The following CCDC149 variants were observed in gnomAD, a reference collection of about 807,000 sequenced individuals.
The protein encoded by CCDC149 is coiled-coil domain containing 149, also known as coiled-coil domain-containing protein 149.
A neutral mutation model predicts 59.9 loss-of-function variants in CCDC149; 45 were observed. The observed-to-expected ratio is 0.75, with a 90% CI of 0.59 to 0.96. The LOEUF (loss-of-function observed/expected upper bound fraction) is 0.96, where lower values mean the gene tolerates loss of function less well. Among genes scored for constraint, CCDC149 ranks in the 40% least tolerant of loss-of-function variants. The pLI, the probability that CCDC149 is intolerant of heterozygous loss-of-function variation, is 0.00. For missense variants in CCDC149, 584 were observed against 664.7 expected (o/e 0.88, Z 1.33); for synonymous variants, 245 against 260.6 (o/e 0.94, Z 0.58).
intron 1 of CCDC149, among the ~76,000 whole-genome samples, chr4:24,930,677 C>T (rs1245298507): frequency 6.6e-6 from 1 of 152,108 alleles, no homozygotes; most frequent in Non-Finnish European, 1.5e-5. Context: ...TGAGGGGAAG[C>T]AGAAAAGGTT....
intron 1 of CCDC149, among the ~76,000 whole-genome samples, chr4:24,929,361 A>T (rs1722521062): frequency 1.3e-5 from 2 of 152,234 alleles, no homozygotes; most frequent in South Asian, 4.1e-4. Flanking sequence ...AGATGAGAAA[A>T]TTTTACAAAA....
intron 1 of CCDC149, among the ~76,000 whole-genome samples, chr4:24,969,734 C>T (rs57555753): frequency 9.2e-5 from 14 of 152,228 alleles, no homozygotes; most frequent in African/African-American, 2.9e-4. Flanking sequence ...GGTATGGGGA[C>T]GAATGGTAAC....
At chr4:24,915,308 G>A (rs1459300180), upstream of CCDC149, among the ~76,000 whole-genome samples, 2 of 152,214 alleles carry the variant, frequency 1.3e-5, no homozygotes, top group African/African-American at 4.8e-5. Flanking sequence ...AGGAAAAGTG[G>A]GCAGAACTTG....
chr4:24,931,539 T>A (rs1722587426), intron 1 of CCDC149, among the ~76,000 whole-genome samples: 1 of 151,452 alleles, frequency 6.6e-6, no homozygotes, highest in South Asian at 2.1e-4. Flanking sequence ...ACACCTGGGG[T>A]TAGTGACCTT....
At chr4:24,825,969 T>A (rs1175864299) in intron 9 of CCDC149, among the ~76,000 whole-genome samples, 1 of 151,904 alleles carries the variant, frequency 6.6e-6, no homozygotes, top group Non-Finnish European at 1.5e-5. Context: ...TGTTTTGTTT[T>A]TTAAGAGACG....
intron 1 of CCDC149, among the ~76,000 whole-genome samples, chr4:24,950,528 G>C (rs781780835): frequency 6.6e-6 from 1 of 152,184 alleles, no homozygotes; most frequent in Non-Finnish European, 1.5e-5. Flanking sequence ...ACATTGGAAG[G>C]GGAGTGGAGA....
Position 24,808,405 on chromosome 4 carries a change from C to T in CCDC149, c.1607G>A (p.Ser536Asn). ...CTCTCCCCTTCAGGTTTTCACGGTG[C>T]TCCTCATGCCTCCGCCCTCTGGGAT... The change falls in exon 13 of 13, where the codon AGC becomes AAC. Residue 536 changes from serine to asparagine, a missense_variant. Physicochemically the swap from Ser to Asn is conservative, Grantham distance 46 (BLOSUM62 1). Transcript: ENST00000635206. The T allele has an allele frequency of 6.9e-7, 1 of 1,450,868 alleles. No individual in the cohort carries two copies. The highest frequency in any genetic ancestry group is 9.1e-7 in the Non-Finnish European group (1 of 1,099,978). 89.9% of individuals were successfully genotyped at this position (1,450,868 alleles called of 1,614,324 possible).
intron 2 of CCDC149, 80 bp from the exon 3 acceptor site, chr4:24,873,799 A>T: frequency 8.9e-7 from 1 of 1,125,834 alleles, no homozygotes; most frequent in Non-Finnish European, 1.3e-6. Flanking sequence ...CTAAATTATG[A>T]ACCTAAATGT....
In CCDC149 at chr4:24,878,573, C is replaced by T. The variant is rs368587378; in HGVS notation, c.64-1876G>A. On this transcript the variant is annotated intron_variant, in intron 1 of 12. Coordinates refer to ENST00000635206, the MANE Select transcript of CCDC149 (RefSeq NM_001330643.2). The stretch of plus-strand genomic sequence containing the variant: ...ATTTACACACAATTTAACACATCTG[C>T]CCTTGTTCCTCCAGTTCTTTTCCCG... 2.0e-5 allele frequency among the ~76,000 whole-genome samples: 3 copies of T among 152,298 alleles called. No individual in the cohort carries two copies. The East Asian group carries it at 5.8e-4, about 29-fold the overall frequency.
intron 3 of CCDC149, among the ~76,000 whole-genome samples, chr4:24,854,351 C>A (rs1349131774): frequency 6.6e-6 from 1 of 152,224 alleles, no homozygotes; most frequent in African/African-American, 2.4e-5. Context: ...TCTGCTTCCT[C>A]TGCTTCCATG....
At chr4:24,838,095 G>A in intron 5 of CCDC149, 61 bp downstream of exon 5, 6 of 1,296,930 alleles carry the variant, frequency 4.6e-6, no homozygotes, top group South Asian at 3.5e-5. Flanking sequence ...GTCCACTCTT[G>A]TTTGTGTTGT....
At chr4:24,899,248 C>T (rs916658574) in intron 1 of CCDC149, among the ~76,000 whole-genome samples, 4 of 152,072 alleles carry the variant, frequency 2.6e-5, no homozygotes, top group South Asian at 2.1e-4. Flanking sequence ...GAATTAGAAT[C>T]GGGTTGGGAG....
At chr4:24,943,791 C>A (rs1446202731) in intron 1 of CCDC149, among the ~76,000 whole-genome samples, 1 of 152,154 alleles carries the variant, frequency 6.6e-6, no homozygotes, top group East Asian at 1.9e-4. Flanking sequence ...ACATTTATGT[C>A]GCCAAAAAAC....
At chr4:24,808,965 G>T in intron 12 of CCDC149, 146 bp from the exon 13 acceptor site, 1 of 683,566 alleles carries the variant, frequency 1.5e-6, no homozygotes, top group Non-Finnish European at 2.4e-6. Context: ...CAGGGCAATG[G>T]AGCCAAAGGG....
chr4:24,845,041 C>G (rs1717195918), intron 4 of CCDC149, among the ~76,000 whole-genome samples: 1 of 152,192 alleles, frequency 6.6e-6, no homozygotes, highest in East Asian at 1.9e-4. Context: ...GGAATTGAGC[C>G]CGGCAGTTCA....
rs1027116000 is a variant in CCDC149, at chr4:24,931,310, A to T, written c.-64-36192T>A. 2.2e-5 allele frequency among the ~76,000 whole-genome samples: 3 copies of T among 138,250 alleles called. No homozygotes were observed. The South Asian group carries it at 6.8e-4, about 31-fold the overall frequency. The allele number at this position is 138,250 out of a possible 152,430, so 90.7% of individuals were successfully genotyped here. ...ATTTATATATGTTTATTTATTTTAAAATATATATATATATATATATATCTC... is the reference window on the plus strand; with the variant it reads ...ATTTATATATGTTTATTTATTTTAATATATATATATATATATATATATCTC... On this transcript the variant is annotated intron_variant, in intron 1 of 12. Transcript: ENST00000389609.
At chr4:24,923,531 G>T (rs1428257639) in intron 1 of CCDC149, among the ~76,000 whole-genome samples, 4 of 152,262 alleles carry the variant, frequency 2.6e-5, no homozygotes, top group Middle Eastern at 3.4e-3. Flanking sequence ...CTAAGTGAAG[G>T]GTCATTGAAA....
rs146222539 is a variant in CCDC149 at position 24,926,121 on chromosome 4, G to A, written c.-64-31003C>T. Among the ~76,000 whole-genome samples, 40 of 152,274 alleles carry A rather than the reference G, an allele frequency of 2.6e-4. 1 individual carries two copies. The East Asian group carries it at 7.3e-3, about 28-fold the overall frequency. ...TGTGGCAGGAGAATCGCTTGAACCC[G>A]GGAGGTGGAGATTACAGTGACCCAA... On this transcript the variant is annotated intron_variant, in intron 1 of 12. Coordinates refer to the CCDC149 transcript ENST00000389609.
chr4:24,943,335 A>T (rs896840870), intron 1 of CCDC149, among the ~76,000 whole-genome samples: 14 of 151,866 alleles, frequency 9.2e-5, no homozygotes, highest in East Asian at 5.8e-4. Context: ...CTATTTAATA[A>T]ATGGTGCTGG....
Sources: gnomAD v4.1 joint callset for allele counts (sites outside exome capture counted in the v4.1 genomes callset) on GRCh38, gnomAD v4.1.1 for gene constraint, MANE v1.5 for transcripts, NCBI Gene and HGNC (gene_info 2026-07-23, HGNC 2026-07-21) for gene names.